RNF180: variants seen among roughly 807,000 people sequenced by gnomAD.
RNF180 encodes the protein E3 ubiquitin-protein ligase RNF180.
Under a neutral mutation model 59.2 loss-of-function variants are expected in RNF180, and 38 were observed. The observed-to-expected ratio is 0.64, with a 90% CI of 0.50 to 0.84. The LOEUF (loss-of-function observed/expected upper bound fraction) is 0.84. Among genes scored for constraint, RNF180 ranks in the 40% least tolerant of loss-of-function variants. The pLI is 0.00. For missense variants in RNF180, 705 were observed against 700.9 expected (o/e 1.01, Z -0.07); for synonymous variants, 262 against 240.3 (o/e 1.09, Z -0.84).
intron 1 of RNF180, among the ~76,000 whole-genome samples, chr5:64,176,473 G>A (rs1750242762): frequency 1.3e-5 from 2 of 152,066 alleles, no homozygotes. Context: ...TGTGGGGAAT[G>A]CCAGGTACTT....
Position 64,343,596 on chromosome 5 carries a change from GA to G in RNF180, c.1579+13197del, listed in dbSNP as rs541556659. Among the ~76,000 whole-genome samples the G allele has an allele frequency of 1.1e-4, 17 of 151,184 alleles. 1 individual carries two copies. The South Asian group carries it at 3.4e-3, about 30-fold the overall frequency. ...CAAACTGCTGAAACCCAAATATAAAGAAAAAAATCTTAAAAACATCTAGAAA... is the reference window on the plus strand; with the variant it reads ...CAAACTGCTGAAACCCAAATATAAAGAAAAAATCTTAAAAACATCTAGAAA... On this transcript the variant is annotated intron_variant, in intron 7 of 7. Transcript: ENST00000389100.
chr5:64,286,652 C>T (rs949778629), intron 5 of RNF180, among the ~76,000 whole-genome samples: 26 of 151,614 alleles, frequency 1.7e-4, no homozygotes, highest in African/African-American at 2.4e-4. Flanking sequence ...TTCCATTGTG[C>T]GAAGCACTCT....
At chr5:64,241,253 TA>T (rs1742791542) in intron 5 of RNF180, among the ~76,000 whole-genome samples, 1 of 152,226 alleles carries the variant, frequency 6.6e-6, no homozygotes, top group Non-Finnish European at 1.5e-5. Flanking sequence ...ACACAAATTC[TA>T]AATATTTTAC....
chr5:64,350,973 G>A (rs1745781425), intron 7 of RNF180, among the ~76,000 whole-genome samples: 1 of 151,536 alleles, frequency 6.6e-6, no homozygotes, highest in Non-Finnish European at 1.5e-5. Context: ...GATGGGGATG[G>A]CATTGAATCT....
intron 5 of RNF180, among the ~76,000 whole-genome samples, chr5:64,309,372 A>G (rs769622132): frequency 9.9e-5 from 15 of 151,802 alleles, no homozygotes; most frequent in Non-Finnish European, 1.8e-4. Flanking sequence ...CTCAGAGTAC[A>G]TAATGAAAGC....
intron 6 of RNF180, among the ~76,000 whole-genome samples, chr5:64,327,527 C>G (rs1416243068): frequency 6.6e-6 from 1 of 152,008 alleles, no homozygotes; most frequent in Non-Finnish European, 1.5e-5. Context: ...AAATTTCTTT[C>G]TTCATACATT....
intron 7 of RNF180, among the ~76,000 whole-genome samples, chr5:64,357,788 G>A (rs1011866047): frequency 2.0e-4 from 30 of 151,824 alleles, no homozygotes; most frequent in Admixed American, 9.2e-4. Flanking sequence ...ATATAAATTC[G>A]AATCATATTC....
intron 7 of RNF180, among the ~76,000 whole-genome samples, chr5:64,361,919 G>A (rs1580312720): frequency 6.6e-6 from 1 of 150,948 alleles, no homozygotes; most frequent in East Asian, 2.0e-4. Flanking sequence ...ATTGGTATTT[G>A]GTGGACAAAA....
chr5:64,194,817 T>C (rs979429005), intron 1 of RNF180, among the ~76,000 whole-genome samples: 2 of 152,230 alleles, frequency 1.3e-5, no homozygotes, highest in Non-Finnish European at 2.9e-5. Context: ...GAAGTGTCTG[T>C]TCATATCCTT....
chr5:64,209,710 T>A (rs947103401), intron 2 of RNF180, among the ~76,000 whole-genome samples: 1 of 152,086 alleles, frequency 6.6e-6, no homozygotes, highest in Non-Finnish European at 1.5e-5. Flanking sequence ...AAATTCTGGA[T>A]CTGATAATGA....
rs1338484940 is a variant in RNF180 at position 64,217,253 on chromosome 5, G to C, written c.1192-108G>C. ...GAATGATCCACAGTTTATCCATTCA[G>C]CTGCTGAAGGACAAGTGGATTGTTT... On this transcript the variant is annotated intron_variant, in intron 4 of 7. Coordinates refer to ENST00000389100, the MANE Select transcript of RNF180 (RefSeq NM_001113561.2). 3 of 1,230,832 alleles carry C rather than the reference G, an allele frequency of 2.4e-6. No individual in the cohort carries two copies. The African/African-American group carries it at 4.6e-5, about 19-fold the overall frequency. The allele number at this position is 1,230,832 out of a possible 1,614,324, so 76.2% of individuals were successfully genotyped here.
chr5:64,213,971 G>T lies in RNF180; in HGVS notation c.645G>T (p.Val215=), dbSNP rs754492218. Residue 215 remains valine (V), a synonymous_variant, in exon 4 of 8, where the codon GTG becomes GTT. Transcript: ENST00000389100. ...PKYQLFVPQL[V]TGRCATRAFH... is the part of the protein sequence containing the mutation. ...ACCAGCTTTTTGTTCCCCAGCTTGT[G>T]ACTGGCAGATGCGCTACAAGAGCTT... 1 of 1,613,988 alleles carries T rather than the reference G, an allele frequency of 6.2e-7. No individual in the cohort carries two copies. Among genetic ancestry groups the T allele is most frequent in the East Asian group, 2.2e-5 (1 of 44,886 alleles).
In RNF180 at chr5:64,372,521, A is replaced by G. The variant is rs1279486054; in HGVS notation, c.*2707A>G. The G allele has an allele frequency of 6.6e-6, 1 of 151,994 alleles. No homozygotes were observed. Among genetic ancestry groups the G allele is most frequent in the African/African-American group, 2.4e-5 (1 of 41,442 alleles). 9.4% of individuals were successfully genotyped at this position (151,994 alleles called of 1,614,324 possible). On this transcript the variant is annotated 3_prime_UTR_variant, in exon 8 of 8. Transcript: ENST00000389100. ...CTTGCTCCTAAGTTAGCTCTGTGGC[A>G]TAACAAAATTCCAGTTAATAAAATT...
chr5:64,244,538 G>GA (rs1249116640), intron 5 of RNF180, among the ~76,000 whole-genome samples: 3 of 152,068 alleles, frequency 2.0e-5, no homozygotes, highest in South Asian at 4.2e-4. Flanking sequence ...CAACATTAGA[G>GA]AAAAAAGAAT....
intron 7 of RNF180, among the ~76,000 whole-genome samples, chr5:64,339,908 G>T (rs1240160342): frequency 6.6e-6 from 1 of 151,918 alleles, no homozygotes; most frequent in African/African-American, 2.4e-5. Flanking sequence ...CACATAAAAT[G>T]GGTAATAAGA....
intron 5 of RNF180, among the ~76,000 whole-genome samples, chr5:64,262,502 A>G (rs559845406): frequency 6.6e-6 from 1 of 152,276 alleles, no homozygotes; most frequent in Admixed American, 6.5e-5. Context: ...TTACCATGGC[A>G]TAGAGTCCAA....
chr5:64,294,331 A>C (rs915382729), intron 5 of RNF180, among the ~76,000 whole-genome samples: 1 of 152,200 alleles, frequency 6.6e-6, no homozygotes, highest in Non-Finnish European at 1.5e-5. Context: ...TGCATGTATC[A>C]AAACATCTCA....
chr5:64,236,034 C>G (rs1169176506), intron 5 of RNF180, among the ~76,000 whole-genome samples: 2 of 152,072 alleles, frequency 1.3e-5, no homozygotes, highest in Non-Finnish European at 2.9e-5. Flanking sequence ...ATAAAGATAG[C>G]CTGAAAATGT....
At chr5:64,238,936 A>G (rs964665944) in intron 5 of RNF180, among the ~76,000 whole-genome samples, 1 of 152,170 alleles carries the variant, frequency 6.6e-6, no homozygotes, top group African/African-American at 2.4e-5. Context: ...TTAACATTCA[A>G]TAATCTCATT....
Sources: gnomAD v4.1 joint callset for allele counts (sites outside exome capture counted in the v4.1 genomes callset) on GRCh38, gnomAD v4.1.1 for gene constraint, MANE v1.5 for transcripts, NCBI Gene and HGNC (gene_info 2026-07-23, HGNC 2026-07-21) for gene names.